The following DLG2 variants were observed in gnomAD, a reference collection of about 807,000 sequenced individuals.
DLG2 encodes disks large homolog 2.
DLG2 carries 45 observed loss-of-function variants against 132.5 expected under a neutral mutation model. That is an observed-to-expected ratio of 0.34 (90% CI 0.27 to 0.44). DLG2 has a LOEUF of 0.44. DLG2 is among the 20% of genes least tolerant of loss of function. DLG2 has a pLI of 1.00. For missense variants in DLG2, 1,045 were observed against 1,196.9 expected (o/e 0.87, Z 1.87); for synonymous variants, 424 against 419.6 (o/e 1.01, Z -0.13).
chr11:84,520,601 A>C (rs903884208), intron 7 of DLG2, among the ~76,000 whole-genome samples: 1 of 151,640 alleles, frequency 6.6e-6, no homozygotes, highest in African/African-American at 2.4e-5. Context: ...CCACCACCCA[A>C]CCCTCACTGC....
At chr11:83,928,137 G>T (rs1039956934) in intron 15 of DLG2, among the ~76,000 whole-genome samples, 1 of 151,188 alleles carries the variant, frequency 6.6e-6, no homozygotes, top group African/African-American at 2.4e-5. Context: ...AATGGAAAAA[G>T]AAAAAAAGAA....
chr11:83,725,035 T>C (rs2089720718), intron 18 of DLG2: 1 of 623,688 alleles, frequency 1.6e-6, no homozygotes, highest in South Asian at 1.9e-5. Flanking sequence ...CAGGTAGGGC[T>C]ACCTTCCCAG....
At chr11:84,082,936 A>C (rs1275386458) in intron 10 of DLG2, among the ~76,000 whole-genome samples, 1 of 152,198 alleles carries the variant, frequency 6.6e-6, no homozygotes. Flanking sequence ...TATTAAGGAG[A>C]CTTAGAGATT....
At chr11:83,476,629 T>TTAAC (rs2092638809) in intron 22 of DLG2, among the ~76,000 whole-genome samples, 1 of 152,126 alleles carries the variant, frequency 6.6e-6, no homozygotes, top group Admixed American at 6.6e-5. Context: ...GTTGTTTGTA[T>TTAAC]TAACTTTATA....
intron 9 of DLG2, among the ~76,000 whole-genome samples, chr11:84,138,446 A>G (rs2094695039): frequency 1.3e-5 from 2 of 152,210 alleles, no homozygotes; most frequent in Admixed American, 1.3e-4. Flanking sequence ...ACCAAACATG[A>G]TAGGTCAAAC....
intron 3 of DLG2, among the ~76,000 whole-genome samples, chr11:85,387,118 C>A (rs1303169386): frequency 6.6e-6 from 1 of 152,066 alleles, no homozygotes; most frequent in Non-Finnish European, 1.5e-5. Flanking sequence ...AAACTCCTTA[C>A]CTCAGGTGAT....
At position 84,217,661 on chromosome 11, in the gene DLG2, A is replaced by G. The variant is rs74590120; in HGVS notation, c.573+33577T>C. ...GGGATTATGTGGTCAAATAAATTTC[A>G]GGCGTGTTAACTTCAAGAAAACTTA... On this transcript the variant is annotated intron_variant, in intron 8 of 27. Coordinates refer to ENST00000376104, the MANE Select transcript of DLG2 (RefSeq NM_001142699.3). 5.2e-3 allele frequency among the ~76,000 whole-genome samples: 790 copies of G among 152,360 alleles called. 38 individuals are homozygous for G. In the East Asian group the frequency reaches 0.13, roughly 25 times the overall value.
chr11:84,594,506 T>C (rs934142234), intron 6 of DLG2, among the ~76,000 whole-genome samples: 2 of 152,098 alleles, frequency 1.3e-5, no homozygotes, highest in African/African-American at 4.8e-5. Context: ...AAAAGAAGAA[T>C]ATGAAAGACA....
chr11:84,402,987 A>T (rs531721344), intron 7 of DLG2, among the ~76,000 whole-genome samples: 2 of 144,428 alleles, frequency 1.4e-5, no homozygotes, highest in East Asian at 3.9e-4. Context: ...CCATTCCCCC[A>T]CTCCAATTCT....
intron 8 of DLG2, among the ~76,000 whole-genome samples, chr11:84,239,721 G>A (rs949575606): frequency 3.9e-5 from 6 of 152,142 alleles, no homozygotes; most frequent in African/African-American, 1.4e-4. Flanking sequence ...TTGCAAGCGT[G>A]CTCCCCGATA....
chr11:85,467,112 G>A (rs1355297348), intron 3 of DLG2, among the ~76,000 whole-genome samples: 1 of 152,266 alleles, frequency 6.6e-6, no homozygotes, highest in East Asian at 1.9e-4. Context: ...CTCTCTGTTT[G>A]TCTGTTATGG....
intron 3 of DLG2, among the ~76,000 whole-genome samples, chr11:85,306,327 G>T (rs1232721992): frequency 6.6e-6 from 1 of 152,140 alleles, no homozygotes; most frequent in African/African-American, 2.4e-5. Flanking sequence ...CAAAGAGAAA[G>T]GGCCTTTCTC....
chr11:83,965,487 T>C lies in DLG2; in HGVS notation c.1057-19A>G. ...TGTTTACCTGAAAGGGTGAAAAAGA[T>C]CAATATTAGAGTTAAATCTATGGAG... On this transcript the variant is annotated intron_variant, in intron 12 of 27. Transcript: ENST00000376104. 6.3e-7 allele frequency: 1 copy of C among 1,588,086 alleles called. No homozygotes were observed. The highest frequency in any genetic ancestry group is 1.8e-5 in the Admixed American group (1 of 56,870).
At chr11:84,097,448 T>C (rs1595168201) in intron 10 of DLG2, among the ~76,000 whole-genome samples, 1 of 152,268 alleles carries the variant, frequency 6.6e-6, no homozygotes, top group Non-Finnish European at 1.5e-5. Flanking sequence ...TAATTTTCCA[T>C]GCACTAACTG....
chr11:85,275,406 A>G (rs956858669), intron 4 of DLG2, among the ~76,000 whole-genome samples: 3 of 152,206 alleles, frequency 2.0e-5, no homozygotes, highest in Non-Finnish European at 4.4e-5. Context: ...CCTTAATCTT[A>G]TATTACTTAC....
intron 3 of DLG2, among the ~76,000 whole-genome samples, chr11:85,470,298 G>C (rs1387685907): frequency 6.6e-6 from 1 of 151,170 alleles, no homozygotes; most frequent in Non-Finnish European, 1.5e-5. Flanking sequence ...GATATCACTA[G>C]GACACTCAGA....
chr11:85,533,271 A>C (rs958917102), intron 3 of DLG2, among the ~76,000 whole-genome samples: 6 of 151,612 alleles, frequency 4.0e-5, no homozygotes, highest in African/African-American at 1.2e-4. Context: ...CGATCCACCC[A>C]CCTCAGCCTC....
chr11:85,038,467 TA>T (rs2061591618), intron 6 of DLG2, among the ~76,000 whole-genome samples: 1 of 152,082 alleles, frequency 6.6e-6, no homozygotes, highest in African/African-American at 2.4e-5. Context: ...ATACTCCGTT[TA>T]AAGATGGGGC....
intron 8 of DLG2, among the ~76,000 whole-genome samples, chr11:84,236,932 T>G (rs2097165461): frequency 7.2e-6 from 1 of 138,026 alleles, no homozygotes; most frequent in African/African-American, 3.0e-5. Flanking sequence ...TGTTTTTTTT[T>G]TTGTTTTTTT....
Sources: gnomAD v4.1 joint callset for allele counts (sites outside exome capture counted in the v4.1 genomes callset) on GRCh38, gnomAD v4.1.1 for gene constraint, MANE v1.5 for transcripts, NCBI Gene and HGNC (gene_info 2026-07-23, HGNC 2026-07-21) for gene names.